FBXL13: variants seen among roughly 807,000 people sequenced by gnomAD.
The protein encoded by FBXL13 is F-box and leucine-rich repeat protein 13.
FBXL13 carries 67 observed loss-of-function variants against 83.6 expected under a neutral mutation model. That is an observed-to-expected ratio of 0.80 (90% CI 0.66 to 0.98). The LOEUF is 0.98. FBXL13 is among the 50% of genes least tolerant of loss of function. The pLI, the probability that FBXL13 is intolerant of heterozygous loss-of-function variation, is 0.00. For missense variants in FBXL13, 822 were observed against 866.5 expected, an observed-to-expected ratio of 0.95 and a Z score of 0.64; for synonymous variants, 272 against 299.5, an observed-to-expected ratio of 0.91 and a Z score of 0.95.
At chr7:102,825,614 T>G (rs1432520073) in intron 18 of FBXL13, among the ~76,000 whole-genome samples, 2 of 152,204 alleles carry the variant, frequency 1.3e-5, no homozygotes, top group East Asian at 3.8e-4. Context: ...GTTTACGAAT[T>G]TTCACATTGC....
chr7:102,955,999 C>A (rs918017690), intron 8 of FBXL13, among the ~76,000 whole-genome samples: 3 of 151,984 alleles, frequency 2.0e-5, no homozygotes, highest in Non-Finnish European at 4.4e-5. Context: ...TTCCAATCAA[C>A]AGAAAAAGAG....
chr7:102,997,082 A>C (rs1469786982), intron 6 of FBXL13, among the ~76,000 whole-genome samples: 1 of 152,208 alleles, frequency 6.6e-6, no homozygotes, highest in Non-Finnish European at 1.5e-5. Flanking sequence ...CCAAAACCTT[A>C]TCCCTTTATT....
chr7:102,857,978 T>C (rs551636432), intron 16 of FBXL13, among the ~76,000 whole-genome samples: 2 of 152,274 alleles, frequency 1.3e-5, no homozygotes, highest in African/African-American at 2.4e-5. Flanking sequence ...GAACTCAGTA[T>C]ATCAAAGGGA....
chr7:102,934,388 C>A (rs759928556), intron 8 of FBXL13: 1 of 1,614,158 alleles, frequency 6.2e-7, no homozygotes, highest in Admixed American at 1.7e-5. Context: ...GAGCTACCTG[C>A]GTCTTTATGA....
At chr7:102,959,895 C>G (rs1229836756) in intron 8 of FBXL13, among the ~76,000 whole-genome samples, 2 of 151,900 alleles carry the variant, frequency 1.3e-5, no homozygotes, top group South Asian at 2.1e-4. Context: ...TTTAGTGGAT[C>G]TATATGCACT....
intron 6 of FBXL13, among the ~76,000 whole-genome samples, chr7:103,007,757 T>C (rs1791134002): frequency 6.6e-6 from 1 of 152,124 alleles, no homozygotes; most frequent in South Asian, 2.1e-4. Flanking sequence ...AGAGTTCACA[T>C]TCTACAGTCA....
chr7:102,833,436 C>CTTTTTTTT (rs763657766), intron 17 of FBXL13, among the ~76,000 whole-genome samples: 1 of 134,616 alleles, frequency 7.4e-6, no homozygotes, highest in Non-Finnish European at 1.6e-5. Context: ...AGCCTGTTTC[C>CTTTTTTTT]TTTTTTTTTT....
At position 103,055,750 on chromosome 7, in the gene FBXL13, A is replaced by T. The variant is rs1797269746; in HGVS notation, c.-104-3T>A. Reference sequence around the variant, plus strand: ...ACAAGTATACCACATAACAGTGCCTAGGGGAAAAAAGGGAAATGGCATCAA... The same window carrying T: ...ACAAGTATACCACATAACAGTGCCTTGGGGAAAAAAGGGAAATGGCATCAA... On this transcript the variant is annotated splice_region_variant and splice_polypyrimidine_tract_variant and intron_variant, in intron 1 of 19. Coordinates refer to ENST00000313221, the Ensembl canonical transcript of FBXL13. 1 of 1,206,110 alleles carries T rather than the reference A, an allele frequency of 8.3e-7. No individual in the cohort carries two copies. The highest frequency in any genetic ancestry group is 1.6e-5 in the African/African-American group (1 of 63,504). 74.7% of individuals were successfully genotyped at this position (1,206,110 alleles called of 1,614,324 possible).
intron 16 of FBXL13, among the ~76,000 whole-genome samples, chr7:102,875,403 G>A (rs551234521): frequency 2.0e-5 from 3 of 152,208 alleles, no homozygotes; most frequent in African/African-American, 7.2e-5. Context: ...AAGAGGAGGG[G>A]AGGGGAGAGC....
In FBXL13 at chr7:102,826,770, T is replaced by TAC. The variant is rs1298869631; in HGVS notation, c.1855-4568_1855-4567insGT. ...ATATATATATATATATATATATATA[T>TAC]ATGTATATATATCTCTAATATATTA... On this transcript the variant is annotated intron_variant, in intron 18 of 19. Transcript: ENST00000313221. Among the ~76,000 whole-genome samples the TAC allele has an allele frequency of 3.4e-4, 34 of 98,978 alleles. 1 individual carries two copies. The highest frequency in any genetic ancestry group is 1.3e-3 in the African/African-American group (33 of 24,954). 64.9% of individuals were successfully genotyped at this position (98,978 alleles called of 152,430 possible).
chr7:103,018,915 G>A (rs1563226702), intron 6 of FBXL13, among the ~76,000 whole-genome samples: 4 of 145,368 alleles, frequency 2.8e-5, no homozygotes, highest in Non-Finnish European at 4.6e-5. Context: ...TAGACAGATC[G>A]AGACAGAAAG....
chr7:102,915,611 C>T (rs1237838524), intron 10 of FBXL13, among the ~76,000 whole-genome samples: 1 of 152,144 alleles, frequency 6.6e-6, no homozygotes, highest in Non-Finnish European at 1.5e-5. Flanking sequence ...ACACCTTTGG[C>T]TTTTGGCAGT....
At chr7:102,886,871 A>G (rs1393977998) in intron 11 of FBXL13, among the ~76,000 whole-genome samples, 2 of 152,224 alleles carry the variant, frequency 1.3e-5, no homozygotes, top group Admixed American at 6.5e-5. Context: ...GGGGCTGAGC[A>G]TGCAGGCCTG....
chr7:102,831,433 C>A (rs559125727), intron 18 of FBXL13, among the ~76,000 whole-genome samples: 4 of 130,876 alleles, frequency 3.1e-5, no homozygotes, highest in Admixed American at 3.0e-4. Flanking sequence ...ACACACACAC[C>A]CCACTACAGA....
At chr7:102,840,932 A>C (rs1802823263) in intron 17 of FBXL13, among the ~76,000 whole-genome samples, 1 of 152,214 alleles carries the variant, frequency 6.6e-6, no homozygotes, top group Non-Finnish European at 1.5e-5. Context: ...AACCAGAGAG[A>C]TCCTGGAACG....
chr7:102,976,118 C>T (rs760555822), intron 6 of FBXL13: 1 of 766,488 alleles, frequency 1.3e-6, no homozygotes, highest in Non-Finnish European at 2.4e-6. Context: ...CAATCAAACC[C>T]TCCTACTCGG....
chr7:102,870,353 T>G (rs548406013), intron 16 of FBXL13, among the ~76,000 whole-genome samples: 1 of 152,194 alleles, frequency 6.6e-6, no homozygotes, highest in Non-Finnish European at 1.5e-5. Context: ...AATGAATCCA[T>G]AATACAAACC....
At chr7:102,813,596 T>C (rs1391807341) in intron 19 of FBXL13, 65 bp from the exon 21 acceptor site, 10 of 1,533,218 alleles carry the variant, frequency 6.5e-6, no homozygotes, top group Non-Finnish European at 8.0e-6. Context: ...ATTTTCAAAC[T>C]CAACCAAATT....
At chr7:102,887,959 G>C (rs1016150786) in intron 11 of FBXL13, among the ~76,000 whole-genome samples, 1 of 152,114 alleles carries the variant, frequency 6.6e-6, no homozygotes, top group African/African-American at 2.4e-5. Flanking sequence ...ACAGAAAAAG[G>C]CATCTTTGGG....
Sources: allele counts gnomAD v4.1 joint callset (sites outside exome capture counted in the v4.1 genomes callset), GRCh38; gene constraint gnomAD v4.1.1; transcripts MANE v1.5; gene names NCBI Gene and HGNC (gene_info 2026-07-23, HGNC 2026-07-21).